ADGRG7: variants seen among roughly 807,000 people sequenced by gnomAD.
ADGRG7 encodes G-protein coupled receptor 128.
ADGRG7 carries 82 observed loss-of-function variants against 88.6 expected under a neutral mutation model. That is an observed-to-expected ratio of 0.93 (90% confidence interval 0.77 to 1.11). The LOEUF (loss-of-function observed/expected upper bound fraction) is 1.11. Among genes scored for constraint, ADGRG7 ranks in the 50% most tolerant of loss-of-function variants. The pLI is 0.00. For missense variants in ADGRG7, 945 were observed against 953.4 expected (o/e 0.99, Z 0.12); for synonymous variants, 381 against 345.2 (o/e 1.10, Z -1.15).
rs550870458 is a variant in ADGRG7 at position 100,650,855 on chromosome 3, A to G, written c.1379+1048A>G. 2.0e-5 allele frequency among the ~76,000 whole-genome samples: 3 copies of G among 152,294 alleles called. No individual in the cohort carries two copies. In the East Asian group the frequency reaches 5.8e-4, roughly 29 times the overall value. On this transcript the variant is annotated intron_variant, in intron 11 of 15. Transcript: ENST00000273352. Reference sequence around the variant, plus strand: ...AAATTATTACATTAAGTGGTTGAAAAATGGTGATTTTTCTAGGCTATCACT... The same window carrying G: ...AAATTATTACATTAAGTGGTTGAAAGATGGTGATTTTTCTAGGCTATCACT...
At chr3:100,645,155 C>T (rs189118152) in intron 8 of ADGRG7, among the ~76,000 whole-genome samples, 4 of 152,348 alleles carry the variant, frequency 2.6e-5, no homozygotes, top group Non-Finnish European at 4.4e-5. Context: ...ATACTGTTGA[C>T]GCTTCTGCTG....
chr3:100,618,951 T>A (rs1343688957), intron 1 of ADGRG7, among the ~76,000 whole-genome samples: 1 of 152,196 alleles, frequency 6.6e-6, no homozygotes, highest in East Asian at 1.9e-4. Context: ...TAAGTTGGAT[T>A]CCTAGGTATT....
intron 15 of ADGRG7, among the ~76,000 whole-genome samples, chr3:100,685,955 C>G (rs1208189121): frequency 6.6e-6 from 1 of 150,926 alleles, no homozygotes; most frequent in East Asian, 1.9e-4. Context: ...GCCACACTGA[C>G]TTCCACAATG....
intron 1 of ADGRG7, among the ~76,000 whole-genome samples, chr3:100,616,373 C>A (rs1707225018): frequency 6.6e-6 from 1 of 151,422 alleles, no homozygotes; most frequent in Non-Finnish European, 1.5e-5. Context: ...AAGATTAAGC[C>A]TTTAAAATAC....
chr3:100,662,912 G>T (rs2094947382), intron 14 of ADGRG7, among the ~76,000 whole-genome samples: 1 of 152,074 alleles, frequency 6.6e-6, no homozygotes, highest in Non-Finnish European at 1.5e-5. Context: ...AAAGAACAAT[G>T]CAAAATTTAG....
chr3:100,617,817 T>C (rs1045240552), intron 1 of ADGRG7, among the ~76,000 whole-genome samples: 3 of 152,188 alleles, frequency 2.0e-5, no homozygotes, highest in Non-Finnish European at 2.9e-5. Context: ...TTGAACTAGT[T>C]TACAGTTCCA....
rs562706215 is a variant in ADGRG7, at chr3:100,626,008, A to G, written c.116-3590A>G. ...GTCTCTGCCAGGTTTTGTTATCAGG[A>G]TGATGCTGGCTTCATAAAATGAGCT... On this transcript the variant is annotated intron_variant, in intron 1 of 15. Transcript: ENST00000273352. 2.0e-5 allele frequency among the ~76,000 whole-genome samples: 3 copies of G among 152,274 alleles called. No individual in the cohort carries two copies. In the South Asian group the frequency reaches 6.2e-4, roughly 32 times the overall value.
In ADGRG7 at chr3:100,619,093, C is replaced by T. The variant is rs567929735; in HGVS notation, c.115+9122C>T. ...GTATCATGAGACTTTGGTGAAGTTGCCTGTCAGCTAAGGAGATTTTGGGCC... is the reference window on the plus strand; with the variant it reads ...GTATCATGAGACTTTGGTGAAGTTGTCTGTCAGCTAAGGAGATTTTGGGCC... On this transcript the variant is annotated intron_variant, in intron 1 of 15. Coordinates refer to ENST00000273352, the MANE Select transcript of ADGRG7 (RefSeq NM_032787.3). 4.6e-5 allele frequency among the ~76,000 whole-genome samples: 7 copies of T among 152,172 alleles called. No homozygotes were observed. The South Asian group carries it at 1.5e-3, about 32-fold the overall frequency.
At chr3:100,629,848 T>C (rs1408517405) in intron 2 of ADGRG7, 137 bp downstream of exon 2, 11 of 602,264 alleles carry the variant, frequency 1.8e-5, no homozygotes, top group Non-Finnish European at 2.9e-5. Context: ...TTAGGATGTG[T>C]TTATCAGCTC....
At position 100,689,515 on chromosome 3, in the gene ADGRG7, GT is replaced by G. The variant is rs758464807; in HGVS notation, c.2137-5227del. Among the ~76,000 whole-genome samples, 5 of 152,300 alleles carry G rather than the reference GT, an allele frequency of 3.3e-5. 1 individual carries two copies. The Middle Eastern group carries it at 0.014, about 414-fold the overall frequency. Reference sequence around the variant, plus strand: ...CATGTTTTTGCAGTGGCTGGTACCGGTTATTCCTTTCCATATTTAGTGCTTC... The same window carrying G: ...CATGTTTTTGCAGTGGCTGGTACCGGTATTCCTTTCCATATTTAGTGCTTC... On this transcript the variant is annotated intron_variant, in intron 15 of 15. Transcript: ENST00000273352.
At chr3:100,650,606 T>C (rs945322329) in intron 11 of ADGRG7, among the ~76,000 whole-genome samples, 10 of 152,224 alleles carry the variant, frequency 6.6e-5, no homozygotes, top group African/African-American at 2.2e-4. Flanking sequence ...ACTGCAATCA[T>C]GGAATTTTTT....
At chr3:100,643,135 A>T in intron 6 of ADGRG7, 131 bp from the exon 7 acceptor site, 1 of 791,050 alleles carries the variant, frequency 1.3e-6, no homozygotes, top group Non-Finnish European at 2.0e-6. Flanking sequence ...AATTATTCTT[A>T]GGCAATTGTC....
At chr3:100,693,053 A>T (rs2094996542) in intron 15 of ADGRG7, among the ~76,000 whole-genome samples, 1 of 152,226 alleles carries the variant, frequency 6.6e-6, no homozygotes. Context: ...ACTGGTAGTC[A>T]GTCTGACCCA....
intron 6 of ADGRG7, among the ~76,000 whole-genome samples, chr3:100,638,242 T>A (rs1212496119): frequency 6.6e-6 from 1 of 152,100 alleles, no homozygotes; most frequent in Non-Finnish European, 1.5e-5. Flanking sequence ...AAGAATTAGG[T>A]CACCTGGACA....
chr3:100,620,794 A>G (rs1707299971), intron 1 of ADGRG7, among the ~76,000 whole-genome samples: 1 of 152,214 alleles, frequency 6.6e-6, no homozygotes, highest in East Asian at 1.9e-4. Context: ...TAAATGCAAT[A>G]CAGACACACC....
intron 11 of ADGRG7, among the ~76,000 whole-genome samples, chr3:100,653,709 A>G (rs1045718338): frequency 6.6e-6 from 1 of 152,094 alleles, no homozygotes; most frequent in East Asian, 1.9e-4. Flanking sequence ...CGGCTGGGCC[A>G]GAGTCATCTG....
intron 1 of ADGRG7, among the ~76,000 whole-genome samples, chr3:100,613,788 C>G (rs1422221742): frequency 6.6e-6 from 1 of 152,070 alleles, no homozygotes; most frequent in Non-Finnish European, 1.5e-5. Flanking sequence ...TCTTTGATGA[C>G]ACAAACGTTG....
At chr3:100,681,444 G>A (rs967010871) in intron 15 of ADGRG7, among the ~76,000 whole-genome samples, 3 of 151,768 alleles carry the variant, frequency 2.0e-5, no homozygotes, top group African/African-American at 7.3e-5. Flanking sequence ...CTGAGTACCT[G>A]GGATTACAGG....
chr3:100,617,268 A>G (rs903273441), intron 1 of ADGRG7, among the ~76,000 whole-genome samples: 17 of 152,080 alleles, frequency 1.1e-4, no homozygotes, highest in Admixed American at 2.6e-4. Context: ...TGTGCACAAC[A>G]TGCAGATTAG....
Sources: allele counts gnomAD v4.1 joint callset (sites outside exome capture counted in the v4.1 genomes callset), GRCh38; gene constraint gnomAD v4.1.1; transcripts MANE v1.5; gene names NCBI Gene and HGNC (gene_info 2026-07-23, HGNC 2026-07-21).